MRGPRX3: variants seen among roughly 807,000 people sequenced by gnomAD.
MRGPRX3 encodes mas-related G protein-coupled receptor member X3.
Under a neutral mutation model 16.5 loss-of-function variants are expected in MRGPRX3, and 14 were observed. The observed-to-expected ratio is 0.85, with a 90% CI of 0.56 to 1.33. The LOEUF is 1.33. Among genes scored for constraint, MRGPRX3 ranks in the 40% most tolerant of loss-of-function variants. The pLI is 0.00. For synonymous variants in MRGPRX3, 199 were observed against 180.1 expected (o/e 1.10, Z -0.84); for missense variants, 449 against 413.0 (o/e 1.09, Z -0.76).
chr11:18,129,750 C>T (rs773345508), upstream of MRGPRX3, among the ~76,000 whole-genome samples: 4 of 152,030 alleles, frequency 2.6e-5, no homozygotes, highest in Non-Finnish European at 4.4e-5. Context: ...TAGACCAGTA[C>T]CACTGATGAA....
chr11:18,124,669 C>G (rs891787493), intron 1 of MRGPRX3, among the ~76,000 whole-genome samples: 1 of 152,142 alleles, frequency 6.6e-6, no homozygotes, highest in Admixed American at 6.5e-5. Flanking sequence ...TGTGTCTCTG[C>G]CAGGCTTTGG....
rs757642470 is a variant in MRGPRX3, at chr11:18,137,605, C to T, written c.403C>T (p.Pro135Ser). 3 of 1,614,186 alleles carry T rather than the reference C, an allele frequency of 1.9e-6. No individual in the cohort carries two copies. The highest frequency in any genetic ancestry group is 2.5e-6 in the Non-Finnish European group (3 of 1,180,038). The change falls in exon 2 of 2, where the codon CCC becomes TCC. Residue 135 changes from proline to serine, a missense_variant. Pro to Ser is a moderately conservative substitution (Grantham distance 74). Transcript: ENST00000621697. The part of the protein sequence containing the change: ...LWPIWYHCRR[P>S]RYLSSVMCVL... ...GCCCATCTGGTACCACTGCCGCCGC[C>T]CCAGATACCTGTCATCAGTCATGTG...
At chr11:18,129,110 A>G (rs906844237), upstream of MRGPRX3, among the ~76,000 whole-genome samples, 1 of 152,248 alleles carries the variant, frequency 6.6e-6, no homozygotes, top group Non-Finnish European at 1.5e-5. Context: ...ACAAATAGAC[A>G]ATCTGAAGTC....
chr11:18,128,901 T>C (rs1032902332), upstream of MRGPRX3, among the ~76,000 whole-genome samples: 3 of 152,206 alleles, frequency 2.0e-5, no homozygotes, highest in African/African-American at 7.2e-5. Context: ...CTGGAGCTGT[T>C]CCTATTTGGC....
chr11:18,137,807 T>C lies in MRGPRX3; in HGVS notation c.605T>C (p.Ile202Thr), dbSNP rs771379047. 6 of 1,614,214 alleles carry C rather than the reference T, an allele frequency of 3.7e-6. No homozygotes were observed. The highest frequency in any genetic ancestry group is 5.1e-6 in the Non-Finnish European group (6 of 1,180,034). The change falls in exon 2 of 2, where the codon ATT becomes ACT. Residue 202 changes from isoleucine to threonine, a missense_variant. By Grantham distance (89) the Ile-to-Thr change is moderately conservative (BLOSUM62 -1). Transcript: ENST00000621697. ...TCCAGCCTGGTCCTGCTGGTCAGGATTCTCTGTGGATCCCGGAAGATGCCG... is the reference window on the plus strand; with the variant it reads ...TCCAGCCTGGTCCTGCTGGTCAGGACTCTCTGTGGATCCCGGAAGATGCCG... ...CGSSLVLLVR[I>T]LCGSRKMPLT...
chr11:18,122,269 G>A (rs1293422656), intron 1 of MRGPRX3, among the ~76,000 whole-genome samples: 1 of 152,046 alleles, frequency 6.6e-6, no homozygotes, highest in Non-Finnish European at 1.5e-5. Context: ...TTGTTACATA[G>A]ATATACATGT....
At chr11:18,122,268 A>G (rs927944876) in intron 1 of MRGPRX3, among the ~76,000 whole-genome samples, 1 of 152,136 alleles carries the variant, frequency 6.6e-6, no homozygotes, top group South Asian at 2.1e-4. Flanking sequence ...TTTGTTACAT[A>G]GATATACATG....
chr11:18,126,113 T>C (rs1376362268), intron 1 of MRGPRX3, among the ~76,000 whole-genome samples: 1 of 152,242 alleles, frequency 6.6e-6, no homozygotes, highest in Admixed American at 6.5e-5. Flanking sequence ...GTTTCCTGAA[T>C]ATAGCACACT....
chr11:18,131,275 A>G (rs1848958759), upstream of MRGPRX3, among the ~76,000 whole-genome samples: 1 of 152,230 alleles, frequency 6.6e-6, no homozygotes, highest in Non-Finnish European at 1.5e-5. Flanking sequence ...AAATCTTCAC[A>G]AACTAAGCAT....
intron 1 of MRGPRX3, among the ~76,000 whole-genome samples, chr11:18,121,487 G>A (rs1307231429): frequency 2.6e-5 from 4 of 152,216 alleles, no homozygotes; most frequent in Non-Finnish European, 5.9e-5. Flanking sequence ...CAGCCGCCCC[G>A]TCTGGGAGGT....
At chr11:18,127,453 G>A (rs961853553) in intron 1 of MRGPRX3, among the ~76,000 whole-genome samples, 10 of 152,110 alleles carry the variant, frequency 6.6e-5, no homozygotes, top group African/African-American at 2.4e-4. Context: ...CATATTTCTT[G>A]GAGGCTTTGT....
At chr11:18,133,351 G>T (rs1167789183) in intron 1 of MRGPRX3, among the ~76,000 whole-genome samples, 1 of 152,206 alleles carries the variant, frequency 6.6e-6, no homozygotes, top group Non-Finnish European at 1.5e-5. Flanking sequence ...GGCAAGTGGA[G>T]AAGCCCTGCG....
intron 1 of MRGPRX3, among the ~76,000 whole-genome samples, chr11:18,125,288 CA>C (rs1055900935): frequency 3.3e-5 from 5 of 152,102 alleles, no homozygotes; most frequent in Non-Finnish European, 7.4e-5. Context: ...GTTAGGGTGT[CA>C]ATTTTAGATC....
chr11:18,124,689 G>A (rs531205558), intron 1 of MRGPRX3, among the ~76,000 whole-genome samples: 54 of 152,278 alleles, frequency 3.5e-4, no homozygotes, highest in Non-Finnish European at 6.9e-4. Flanking sequence ...GTATCAGGAT[G>A]ATGCTGGCCT....
chr11:18,129,954 A>T (rs11529619), upstream of MRGPRX3, among the ~76,000 whole-genome samples: 312 of 152,348 alleles, frequency 2.0e-3, 6 homozygotes, highest in East Asian at 0.05. Context: ...ATAGATGCTG[A>T]AAAAGCATTT....
In MRGPRX3 at chr11:18,122,048, TTTCA is replaced by T. The variant is rs202004168; in HGVS notation, c.-152+885_-152+888del. Among the ~76,000 whole-genome samples, 183 of 150,326 alleles carry T rather than the reference TTTCA, an allele frequency of 1.2e-3. No individual in the cohort carries two copies. In the East Asian group the frequency reaches 0.032, roughly 26 times the overall value. ...AAAAGAAAAAAAAAAAAGAAAAATC[TTTCA>T]AGATTTTTTTTTGTTAGAAATAACT... On this transcript the variant is annotated intron_variant, in intron 1 of 2. Transcript: ENST00000396275.
upstream of MRGPRX3, among the ~76,000 whole-genome samples, chr11:18,130,641 T>A (rs543056326): frequency 4.4e-4 from 65 of 147,526 alleles, no homozygotes; most frequent in African/African-American, 1.5e-3. Flanking sequence ...AATATCATCA[T>A]CATTCTTCAC....
rs147659045 is a variant in MRGPRX3, at chr11:18,137,416, G to A, written c.214G>A (p.Asp72Asn). The change falls in exon 2 of 2, where the codon GAC (aspartate) becomes AAC (asparagine). Residue 72 changes from aspartate (D) to asparagine (N), a missense_variant. Transcript: ENST00000621697. ...CTACATCCTCAACCTGGTCGCGGCC[G>A]ACTTCCTCTTCCTTAGCGGCCACAT... ...SIYILNLVAA[D>N]FLFLSGHIIC... is the part of the protein sequence containing the mutation. 524 of 1,614,038 alleles carry A rather than the reference G, an allele frequency of 3.2e-4. No homozygotes were observed. Among genetic ancestry groups the A allele is most frequent in the Non-Finnish European group, 4.1e-4 (486 of 1,180,040 alleles).
intron 1 of MRGPRX3, among the ~76,000 whole-genome samples, chr11:18,121,524 C>A (rs2134077575): frequency 6.6e-6 from 1 of 152,318 alleles, no homozygotes; most frequent in Admixed American, 6.5e-5. Context: ...TGAGAACGGG[C>A]CAGGATGACA....
Sources: allele counts gnomAD v4.1 joint callset (sites outside exome capture counted in the v4.1 genomes callset), GRCh38; gene constraint gnomAD v4.1.1; transcripts MANE v1.5; gene names NCBI Gene and HGNC (gene_info 2026-07-23, HGNC 2026-07-21).